Variants in RAPGEF2 observed in about 807,000 individuals in gnomAD.
RAPGEF2 encodes Rap guanine nucleotide exchange factor 2, also known as PDZ domain containing guanine nucleotide exchange factor (GEF) 1.
RAPGEF2 carries 54 observed loss-of-function variants against 186.7 expected under a neutral mutation model. That is an observed-to-expected ratio of 0.29 (90% CI 0.23 to 0.36). The LOEUF (loss-of-function observed/expected upper bound fraction) is 0.36, where lower values mean the gene tolerates loss of function less well. RAPGEF2 is among the 10% of genes least tolerant of loss of function. RAPGEF2 has a pLI of 1.00. For synonymous variants in RAPGEF2, 712 were observed against 705.9 expected (o/e 1.01, Z -0.14); for missense variants, 1,532 against 2,045.0 (o/e 0.75, Z 4.84).
chr4:159,330,919 C>T lies in RAPGEF2; in HGVS notation c.1467+421C>T, dbSNP rs189901382. Among the ~76,000 whole-genome samples, 457 of 152,260 alleles carry T rather than the reference C, an allele frequency of 3.0e-3. 2 individuals carry two copies. The highest frequency in any genetic ancestry group is 5.3e-3 in the Non-Finnish European group (360 of 67,994). On this transcript the variant is annotated intron_variant, in intron 13 of 29. Coordinates refer to ENST00000691494, the MANE Select transcript of RAPGEF2 (RefSeq NM_001394067.2). ...GACAGTCATCACTCTCTGTAGGCCC[C>T]AGGATTATAATTCTAAGGAGACCAT...
At chr4:159,174,532 A>C (rs1746250350) in intron 1 of RAPGEF2, among the ~76,000 whole-genome samples, 1 of 152,162 alleles carries the variant, frequency 6.6e-6, no homozygotes, top group Non-Finnish European at 1.5e-5. Context: ...ATGGCTAATT[A>C]ATGAGGTAAT....
chr4:159,273,632 TTCTTTC>T (rs1423553934), intron 7 of RAPGEF2, among the ~76,000 whole-genome samples: 3 of 25,404 alleles, frequency 1.2e-4, no homozygotes, highest in Non-Finnish European at 2.5e-4. Flanking sequence ...ATCAGTTTCT[TTCTTTC>T]TTTCTTTCTT....
At chr4:159,251,882 G>C (rs950462413) in intron 7 of RAPGEF2, among the ~76,000 whole-genome samples, 1 of 151,692 alleles carries the variant, frequency 6.6e-6, no homozygotes, top group Non-Finnish European at 1.5e-5. Context: ...CGTTTCCACA[G>C]CGTGGAGTAA....
intron 1 of RAPGEF2, among the ~76,000 whole-genome samples, chr4:159,116,312 A>C (rs1392295277): frequency 4.6e-5 from 7 of 152,252 alleles, no homozygotes; most frequent in African/African-American, 1.7e-4. Context: ...CATTCATTGC[A>C]GCCAACAAAC....
chr4:159,228,675 A>G (rs185761439), intron 4 of RAPGEF2, among the ~76,000 whole-genome samples: 188 of 152,286 alleles, frequency 1.2e-3, no homozygotes, highest in African/African-American at 4.4e-3. Context: ...TCTGAAATAG[A>G]AGCCGGTTAA....
At chr4:159,137,984 C>T (rs1047799736) in intron 1 of RAPGEF2, among the ~76,000 whole-genome samples, 3 of 152,150 alleles carry the variant, frequency 2.0e-5, no homozygotes, top group African/African-American at 7.2e-5. Context: ...AATGTGTCCA[C>T]ATAAGATTTT....
At chr4:159,354,684 T>TAG (rs1731700394) in intron 28 of RAPGEF2, among the ~76,000 whole-genome samples, 1 of 152,222 alleles carries the variant, frequency 6.6e-6, no homozygotes, top group Admixed American at 6.5e-5. Context: ...TCCTCATCTG[T>TAG]AAAATGAGCT....
At chr4:159,325,247 A>G (rs1765765489) in intron 11 of RAPGEF2, among the ~76,000 whole-genome samples, 1 of 152,180 alleles carries the variant, frequency 6.6e-6, no homozygotes, top group Non-Finnish European at 1.5e-5. Context: ...CATTCTAAAT[A>G]TATTTACTTC....
chr4:159,167,274 T>A (rs1745427352), intron 1 of RAPGEF2, among the ~76,000 whole-genome samples: 1 of 152,108 alleles, frequency 6.6e-6, no homozygotes, highest in Non-Finnish European at 1.5e-5. Context: ...TGGGGGAAAT[T>A]TAGTGTGAAG....
In RAPGEF2 at chr4:159,330,512, T is replaced by C; in HGVS notation, c.1467+14T>C. ...CTCAGGGATAAGGTTGGAAATATATTCTATTTTGTCTCTTAAATATGAAAT... is the reference window on the plus strand; with the variant it reads ...CTCAGGGATAAGGTTGGAAATATATCCTATTTTGTCTCTTAAATATGAAAT... On this transcript the variant is annotated intron_variant, in intron 13 of 29. Transcript: ENST00000691494. 1 of 1,568,944 alleles carries C rather than the reference T, an allele frequency of 6.4e-7. No homozygotes were observed. The highest frequency in any genetic ancestry group is 8.6e-7 in the Non-Finnish European group (1 of 1,157,758).
chr4:159,146,442 T>C (rs1175522174), intron 1 of RAPGEF2, among the ~76,000 whole-genome samples: 1 of 152,124 alleles, frequency 6.6e-6, no homozygotes, highest in East Asian at 1.9e-4. Context: ...TGTTTAAATC[T>C]TTGAAGAACT....
chr4:159,221,788 C>T (rs1751563586), intron 4 of RAPGEF2, among the ~76,000 whole-genome samples: 1 of 152,084 alleles, frequency 6.6e-6, no homozygotes, highest in East Asian at 1.9e-4. Context: ...ATTCCTGTGA[C>T]ATATATAAGG....
chr4:159,242,899 G>T (rs1754176257), intron 6 of RAPGEF2, among the ~76,000 whole-genome samples: 1 of 151,898 alleles, frequency 6.6e-6, no homozygotes, highest in Admixed American at 6.6e-5. Flanking sequence ...AATAGTCAGT[G>T]GGAGTATGGA....
Position 159,286,335 on chromosome 4 carries a change from C to T in RAPGEF2, c.544-18007C>T, listed in dbSNP as rs141251134. ...TTACCACCCTGGTCCAAGCTACCAT[C>T]GTCTCACTTGTACCATTCCTAATGT... On this transcript the variant is annotated intron_variant, in intron 7 of 29. Coordinates refer to ENST00000691494, the MANE Select transcript of RAPGEF2 (RefSeq NM_001394067.2). Among the ~76,000 whole-genome samples the T allele has an allele frequency of 2.9e-3, 447 of 152,242 alleles. 1 individual carries two copies. Among genetic ancestry groups the T allele is most frequent in the African/African-American group, 0.01 (418 of 41,544 alleles).
At chr4:159,120,498 A>G (rs966706954) in intron 1 of RAPGEF2, among the ~76,000 whole-genome samples, 18 of 152,224 alleles carry the variant, frequency 1.2e-4, no homozygotes, top group African/African-American at 3.9e-4. Context: ...CTAAGAATGC[A>G]TTGTGTCCTA....
At chr4:159,184,045 T>C (rs959390460) in intron 1 of RAPGEF2, among the ~76,000 whole-genome samples, 9 of 152,226 alleles carry the variant, frequency 5.9e-5, no homozygotes, top group African/African-American at 2.2e-4. Flanking sequence ...TCCAGCTTCA[T>C]CTGTGTCCCT....
chr4:159,172,322 A>G (rs1745993904), intron 1 of RAPGEF2, among the ~76,000 whole-genome samples: 1 of 152,174 alleles, frequency 6.6e-6, no homozygotes, highest in Admixed American at 6.5e-5. Flanking sequence ...GAGGCAACAC[A>G]CATTTTAAGT....
At chr4:159,215,896 T>C (rs1023194549) in intron 4 of RAPGEF2, among the ~76,000 whole-genome samples, 1 of 151,972 alleles carries the variant, frequency 6.6e-6, no homozygotes, top group African/African-American at 2.4e-5. Context: ...ATACAGAGAG[T>C]GGAGGCTTCT....
At chr4:159,241,908 T>C (rs1441817668) in intron 6 of RAPGEF2, among the ~76,000 whole-genome samples, 3 of 152,146 alleles carry the variant, frequency 2.0e-5, no homozygotes, top group Non-Finnish European at 4.4e-5. Context: ...CTGAGATTTA[T>C]TTTTTAATGC....
Sources: allele counts gnomAD v4.1 joint callset (sites outside exome capture counted in the v4.1 genomes callset), GRCh38; gene constraint gnomAD v4.1.1; transcripts MANE v1.5; gene names NCBI Gene and HGNC (gene_info 2026-07-23, HGNC 2026-07-21).